BAG6: variants seen among roughly 807,000 people sequenced by gnomAD.
The protein encoded by BAG6 is large proline-rich protein BAG6.
BAG6 carries 22 observed loss-of-function variants against 121.0 expected under a neutral mutation model. The ratio of observed to expected loss-of-function variants is 0.18; its 90% CI spans 0.13 to 0.26. BAG6 has a LOEUF of 0.26. Ranked by LOEUF, BAG6 falls within the 10% of genes least tolerant of loss-of-function variation. BAG6 has a pLI of 1.00. For missense variants in BAG6, 1,233 were observed against 1,537.7 expected (o/e 0.80, Z 3.31); for synonymous variants, 583 against 584.6 (o/e 1.00, Z 0.04).
intron 1 of BAG6, 86 bp from the exon 2 acceptor site, chr6:31,651,862 A>G: frequency 3.1e-6 from 3 of 965,960 alleles, no homozygotes; most frequent in Non-Finnish European, 4.9e-6. Flanking sequence ...CCCTGCCCCA[A>G]TACCTAAAAA....
rs889640827 is a variant in BAG6, at chr6:31,640,105, T to C, written c.3246+94A>G. On this transcript the variant is annotated intron_variant, in intron 24 of 25. Coordinates refer to ENST00000676615, the MANE Select transcript of BAG6 (RefSeq NM_001387994.1). The surrounding 1 kb of genome is among the most constrained non-coding windows in gnomAD (Gnocchi z 4.2). ...TTAAACGAGGGGAGGGGAGACTGAA[T>C]AACAAGAGCTCCCACCATCTCTACA... The C allele has an allele frequency of 7.7e-7, 1 of 1,291,518 alleles. No homozygotes were observed. Among genetic ancestry groups the C allele is most frequent in the African/African-American group, 1.5e-5 (1 of 67,422 alleles). 80.0% of individuals were successfully genotyped at this position (1,291,518 alleles called of 1,614,324 possible). A position where few individuals can be genotyped will look rare whatever the true frequency, so the allele number is the denominator to read the frequency against.
In BAG6 at chr6:31,639,200, C is replaced by T. The variant is rs34745996; in HGVS notation, c.3420G>A (p.Leu1140=). The change falls in exon 26 of 26, where the codon CTG becomes CTA. Residue 1140 remains leucine (L), a synonymous_variant. Coordinates refer to ENST00000676615, the MANE Select transcript of BAG6 (RefSeq NM_001387994.1). Reference sequence around the variant, plus strand: ...GGGGACTGTAGTTGGGGTCTTCCTGCAGTCGTTTTTGTATATCAGACCGGA... The same window carrying T: ...GGGGACTGTAGTTGGGGTCTTCCTGTAGTCGTTTTTGTATATCAGACCGGA... ...QQLRSDIQKR[L]QEDPNYSPQR... 7.6e-3 allele frequency: 12,206 copies of T among 1,613,802 alleles called. 549 individuals carry two copies. In the South Asian group the frequency reaches 0.091, roughly 12 times the overall value.
At position 31,645,435 on chromosome 6, in the gene BAG6, A is replaced by G. The variant is rs778239339; in HGVS notation, c.1088T>C (p.Val363Ala). ...RPMSHYTTPM[V>A]LQQAAIPIQI... ...TATGGGAATGGCTGCCTGCTGGAGC[A>G]CCATGGGGGTGGTGTAGTGAGACAT... The change falls in exon 9 of 26, where the codon GTG becomes GCG. Residue 363 changes from valine to alanine, a missense_variant. Physicochemically the swap from Val to Ala is moderately conservative, Grantham distance 64 (BLOSUM62 0). Transcript: ENST00000676615. 6.2e-7 allele frequency: 1 copy of G among 1,613,042 alleles called. No individual in the cohort carries two copies. Among genetic ancestry groups the G allele is most frequent in the Non-Finnish European group, 8.5e-7 (1 of 1,180,026 alleles).
rs549853930 is a variant in BAG6 at position 31,646,740 on chromosome 6, C to A, written c.789-217G>T. ...CTCCCAAGTAGCTGGGATTAAGTTGCCTGCCACCACACCCGGCTAATTTTT... is the reference window on the plus strand; with the variant it reads ...CTCCCAAGTAGCTGGGATTAAGTTGACTGCCACCACACCCGGCTAATTTTT... On this transcript the variant is annotated intron_variant, in intron 7 of 25. Coordinates refer to ENST00000676615, the MANE Select transcript of BAG6 (RefSeq NM_001387994.1). Among the ~76,000 whole-genome samples the A allele has an allele frequency of 4.7e-5, 7 of 150,518 alleles. 1 individual carries two copies. In the East Asian group the frequency reaches 1.4e-3, roughly 30 times the overall value.
rs543571406 is a variant in BAG6, at chr6:31,647,930, G to C, written c.553-104C>G. The C allele has an allele frequency of 2.0e-5, 27 of 1,380,028 alleles. 1 individual carries two copies. The South Asian group carries it at 4.9e-4, about 25-fold the overall frequency. The allele number at this position is 1,380,028 out of a possible 1,614,324, so 85.5% of individuals were successfully genotyped here. ...AGAAAGTATCCTAACTAGACTCCCT[G>C]AAGGCATGGCTCTGCAATTTTATCT... On this transcript the variant is annotated intron_variant, in intron 6 of 25. Coordinates refer to ENST00000676615, the MANE Select transcript of BAG6 (RefSeq NM_001387994.1).
Position 31,641,401 on chromosome 6 carries a change from C to G in BAG6, c.2581G>C (p.Gly861Arg), listed in dbSNP as rs1320241661. ...AGGTTTGTCCGGATGATGTCCACACCTGGCTGAACCTGCACCAAGGACTGA... is the reference window on the plus strand; with the variant it reads ...AGGTTTGTCCGGATGATGTCCACACGTGGCTGAACCTGCACCAAGGACTGA... ...ESFSLVQVQP[G>R]VDIIRTNLEF... The change falls in exon 19 of 26, where the codon GGT becomes CGT. Residue 861 changes from glycine to arginine, a missense_variant. Physicochemically the swap from Gly to Arg is moderately radical, Grantham distance 125 (BLOSUM62 -2). Around this residue, in one of 7 missense-constraint regions of BAG6, gnomAD observed 288 missense variants for 483.1 expected, o/e 0.60. Coordinates refer to ENST00000676615, the MANE Select transcript of BAG6 (RefSeq NM_001387994.1). The surrounding 1 kb of genome is among the most constrained non-coding windows in gnomAD (Gnocchi z 5.7). 1 of 1,614,248 alleles carries G rather than the reference C, an allele frequency of 6.2e-7. No individual in the cohort carries two copies. The highest frequency in any genetic ancestry group is 8.5e-7 in the Non-Finnish European group (1 of 1,180,042).
Position 31,640,170 on chromosome 6 carries a change from A to T in BAG6, c.3246+29T>A, listed in dbSNP as rs370449303. The T allele has an allele frequency of 2.5e-6, 4 of 1,602,126 alleles. No individual in the cohort carries two copies. Among genetic ancestry groups the T allele is most frequent in the Non-Finnish European group, 2.6e-6 (3 of 1,169,832 alleles). ...GCATGACGGGGAAACCTGGATAGAG[A>T]GAGAGGCTTAGGGAAGAGGAAAACC... On this transcript the variant is annotated intron_variant, in intron 24 of 25. Transcript: ENST00000676615. The surrounding 1 kb of genome is among the most constrained non-coding windows in gnomAD (Gnocchi z 4.2).
chr6:31,646,155 T>A (rs1561929082), intron 8 of BAG6, among the ~76,000 whole-genome samples: 4 of 152,098 alleles, frequency 2.6e-5, no homozygotes, highest in Admixed American at 2.6e-4. Context: ...CCAGCTAATG[T>A]TTATATTTTC....
rs754433661 is a variant in BAG6, at chr6:31,641,819, T to A, written c.2462A>T (p.Gln821Leu). 5.0e-6 allele frequency: 8 copies of A among 1,613,126 alleles called. No individual in the cohort carries two copies. The highest frequency in any genetic ancestry group is 1.6e-4 in the Middle Eastern group (1 of 6,062). Reference protein sequence around the residue: ...LQPQLRSFFHQHYLGGQEPTP... With the variant: ...LQPQLRSFFHLHYLGGQEPTP... ...GGGCTCCTGACCACCCAGGTAGTGCTGGTGGAAGAAGGATCGCAGCTGGGG... is the reference window on the plus strand; with the variant it reads ...GGGCTCCTGACCACCCAGGTAGTGCAGGTGGAAGAAGGATCGCAGCTGGGG... The change falls in exon 17 of 26, where the codon CAG (glutamine) becomes CTG (leucine). Residue 821 changes from glutamine (Q) to leucine (L), a missense_variant. Gln to Leu is a moderately radical substitution (Grantham distance 113). Around this residue, in one of 7 missense-constraint regions of BAG6, gnomAD observed 288 missense variants for 483.1 expected, o/e 0.60. Transcript: ENST00000676615. This position sits in a 1 kb window ranked among gnomAD's most constrained non-coding sequence, Gnocchi z 5.7.
intron 2 of BAG6, 118 bp downstream of exon 2, chr6:31,651,538 C>CAAAAAAAAGA (rs66781648): frequency 1.7e-5 from 16 of 927,256 alleles, no homozygotes; most frequent in Non-Finnish European, 2.0e-5. Flanking sequence ...GACTCCATCT[C>CAAAAAAAAGA]AAAAAAAAGA....
Position 31,644,422 on chromosome 6 carries a change from G to A in BAG6, c.1448-8C>T. On this transcript the variant is annotated splice_polypyrimidine_tract_variant and splice_region_variant and intron_variant, in intron 11 of 25. Transcript: ENST00000676615. The surrounding 1 kb of genome is among the most constrained non-coding windows in gnomAD (Gnocchi z 4.9). ...GCTGGATGAGGGTGGAGCCTGGGGG[G>A]CGGGTCTGATGTAACCTTGAACCTG... 1 of 1,550,942 alleles carries A rather than the reference G, an allele frequency of 6.4e-7. No homozygotes were observed. The highest frequency in any genetic ancestry group is 8.7e-7 in the Non-Finnish European group (1 of 1,146,860).
chr6:31,652,346 CACACACACACA>C (rs1798111665), intron 1 of BAG6, 67 bp downstream of exon 1: 1 of 152,422 alleles, frequency 6.6e-6, no homozygotes, highest in Non-Finnish European at 1.4e-5. Flanking sequence ...CACACACACA[CACACACACACA>C]CACCCACCAC....
In BAG6 at chr6:31,643,951, G is replaced by C. The variant is rs757678599; in HGVS notation, c.1695C>G (p.Ala565=). 2.5e-6 allele frequency: 4 copies of C among 1,613,860 alleles called. No homozygotes were observed. In the African/African-American group the frequency reaches 5.3e-5, roughly 22 times the overall value. The part of the protein sequence containing the change: ...TLQGAGLGTN[A]SLAQMVSGLV... ...GGCCGCTCACCATCTGGGCCAACGA[G>C]GCATTGGTACCCAGACCGGCGCCCT... Residue 565 remains alanine, a synonymous_variant, in exon 14 of 26, where the codon GCC becomes GCG. Coordinates refer to ENST00000676615, the MANE Select transcript of BAG6 (RefSeq NM_001387994.1).
chr6:31,644,928 G>C lies in BAG6; in HGVS notation c.1369+18C>G. On this transcript the variant is annotated intron_variant, in intron 10 of 25. Coordinates refer to ENST00000676615, the MANE Select transcript of BAG6 (RefSeq NM_001387994.1). This position sits in a 1 kb window ranked among gnomAD's most constrained non-coding sequence, Gnocchi z 4.9. The stretch of plus-strand genomic sequence containing the variant: ...TCATCATGCTGATCCTGCTCTTCTC[G>C]CCAGCAACTATTCTCACCTTGAATG... The C allele has an allele frequency of 1.9e-6, 3 of 1,553,574 alleles. No individual in the cohort carries two copies. Among genetic ancestry groups the C allele is most frequent in the Non-Finnish European group, 2.6e-6 (3 of 1,148,134 alleles).
intron 2 of BAG6, 100 bp from the exon 3 acceptor site, chr6:31,649,727 C>T: frequency 1.1e-6 from 1 of 937,934 alleles, no homozygotes. Context: ...AAAACCACCA[C>T]AGAATCACTA....
In BAG6 at chr6:31,643,883, A is replaced by C; in HGVS notation, c.1756+7T>G. The C allele has an allele frequency of 6.2e-7, 1 of 1,612,574 alleles. No homozygotes were observed. Among genetic ancestry groups the C allele is most frequent in the Non-Finnish European group, 8.5e-7 (1 of 1,179,888 alleles). ...TAAACTCTGAGTGGGGAAGAATGAA[A>C]ACTCACCCACAAGGACTGGCTGCAT... is the stretch of plus-strand genomic sequence containing the variant. On this transcript the variant is annotated splice_region_variant and intron_variant, in intron 14 of 25. Transcript: ENST00000676615.
Position 31,644,480 on chromosome 6 carries a change from T to C in BAG6, c.1447+45A>G, listed in dbSNP as rs1786670218. 2.5e-6 allele frequency: 4 copies of C among 1,585,466 alleles called. No homozygotes were observed. Among genetic ancestry groups the C allele is most frequent in the East Asian group, 2.2e-5 (1 of 44,548 alleles). ...TCAACCCACCCACTCAGCCCTTCCC[T>C]TTCTCTACCCAGAGCTCAGCCTGCC... On this transcript the variant is annotated intron_variant, in intron 11 of 25. Transcript: ENST00000676615. This position sits in a 1 kb window ranked among gnomAD's most constrained non-coding sequence, Gnocchi z 4.9.
intron 16 of BAG6, 57 bp from the exon 17 acceptor site, chr6:31,642,002 C>G: frequency 6.2e-7 from 1 of 1,601,790 alleles, no homozygotes; most frequent in East Asian, 2.2e-5. Flanking sequence ...TGCCCACCCA[C>G]AACCAGATCA....
At chr6:31,649,650 G>C in intron 2 of BAG6, 23 bp from the exon 3 acceptor site, 1 of 1,594,070 alleles carries the variant, frequency 6.3e-7, no homozygotes, top group Non-Finnish European at 8.6e-7. Flanking sequence ...GGCATGCACA[G>C]GAATGGAAAG....
Sources: gnomAD v4.1 joint callset for allele counts (sites outside exome capture counted in the v4.1 genomes callset) on GRCh38, gnomAD v4.1.1 for gene constraint, gnomAD v4.1.1 regional missense constraint, Gnocchi (gnomAD v3.1) non-coding constraint, MANE v1.5 for transcripts, NCBI Gene and HGNC (gene_info 2026-07-23, HGNC 2026-07-21) for gene names.